Variants in DKK2 observed in about 807,000 individuals in gnomAD.
The protein encoded by DKK2 is dickkopf-related protein 2.
Under a neutral mutation model 28.1 loss-of-function variants are expected in DKK2, and 11 were observed. The observed-to-expected ratio is 0.39, with a 90% confidence interval of 0.25 to 0.65. The LOEUF (loss-of-function observed/expected upper bound fraction) is 0.65. Among genes scored for constraint, DKK2 ranks in the 30% least tolerant of loss-of-function variants. DKK2 has a pLI of 0.47. For synonymous variants in DKK2, 135 were observed against 126.5 expected (o/e 1.07, Z -0.45); for missense variants, 326 against 335.5 (o/e 0.97, Z 0.22).
chr4:106,941,598 G>T (rs1034820892), intron 1 of DKK2, among the ~76,000 whole-genome samples: 1 of 152,150 alleles, frequency 6.6e-6, no homozygotes, highest in South Asian at 2.1e-4. Context: ...TTTATGCAGT[G>T]AAGCACCCCA....
At position 107,010,118 on chromosome 4, in the gene DKK2, G is replaced by C. The variant is rs115911551; in HGVS notation, c.222+25252C>G. Among the ~76,000 whole-genome samples, 734 of 151,666 alleles carry C rather than the reference G, an allele frequency of 4.8e-3. 6 individuals are homozygous for C. Among genetic ancestry groups the C allele is most frequent in the African/African-American group, 0.017 (707 of 41,456 alleles). On this transcript the variant is annotated intron_variant, in intron 1 of 3. Coordinates refer to ENST00000285311, the MANE Select transcript of DKK2 (RefSeq NM_014421.3). The stretch of plus-strand genomic sequence containing the variant: ...TTCCTTTCACGTAAATGAGTGATTT[G>C]ATTTGCCTATCAGTAGGCTGCCCTC...
intron 1 of DKK2, among the ~76,000 whole-genome samples, chr4:106,973,577 G>A (rs1287103411): frequency 1.3e-5 from 2 of 152,038 alleles, no homozygotes; most frequent in East Asian, 1.9e-4. Context: ...CTTTTTGATG[G>A]GGTTTTTGTT....
intron 1 of DKK2, among the ~76,000 whole-genome samples, chr4:106,926,756 C>T (rs1724431217): frequency 1.3e-5 from 2 of 152,084 alleles, no homozygotes; most frequent in South Asian, 4.1e-4. Context: ...GCTACTTCAG[C>T]AGTGTCATAT....
At chr4:106,954,552 C>A (rs907460306) in intron 1 of DKK2, among the ~76,000 whole-genome samples, 2 of 152,068 alleles carry the variant, frequency 1.3e-5, no homozygotes, top group Admixed American at 1.3e-4. Flanking sequence ...GACGGAGTCT[C>A]ACTCTGTCAC....
intron 1 of DKK2, among the ~76,000 whole-genome samples, chr4:106,982,296 G>C (rs1723038096): frequency 6.6e-6 from 1 of 152,124 alleles, no homozygotes; most frequent in Non-Finnish European, 1.5e-5. Context: ...GAGATAAGGA[G>C]AGAAAAGAGA....
chr4:106,984,620 T>C (rs1473591531), intron 1 of DKK2, among the ~76,000 whole-genome samples: 1 of 152,254 alleles, frequency 6.6e-6, no homozygotes, highest in Admixed American at 6.5e-5. Context: ...TGTATGTATA[T>C]ACCACATTTT....
At chr4:107,000,599 A>G (rs1423158044) in intron 1 of DKK2, among the ~76,000 whole-genome samples, 4 of 152,152 alleles carry the variant, frequency 2.6e-5, no homozygotes, top group Non-Finnish European at 5.9e-5. Flanking sequence ...CTGTTTTCCT[A>G]TTCTATATGC....
In DKK2 at chr4:106,923,824, A is replaced by T; in HGVS notation, c.*130T>A. The T allele has an allele frequency of 3.2e-6, 4 of 1,256,284 alleles. No homozygotes were observed. The highest frequency in any genetic ancestry group is 4.8e-5 in the Admixed American group (2 of 41,672). 77.8% of individuals were successfully genotyped at this position (1,256,284 alleles called of 1,614,324 possible). A position where few individuals can be genotyped will look rare whatever the true frequency, so the allele number is the denominator to read the frequency against. ...CATGTTTTCTTTCTCCCTTTTTGTGATCATCTATATTCTTATCACGTTTCT... is the reference window on the plus strand; with the variant it reads ...CATGTTTTCTTTCTCCCTTTTTGTGTTCATCTATATTCTTATCACGTTTCT... On this transcript the variant is annotated 3_prime_UTR_variant, in exon 4 of 4. Transcript: ENST00000285311.
At chr4:106,976,111 G>A (rs1045424295) in intron 1 of DKK2, among the ~76,000 whole-genome samples, 7 of 152,104 alleles carry the variant, frequency 4.6e-5, no homozygotes, top group Non-Finnish European at 7.4e-5. Flanking sequence ...GAGCCTGTTC[G>A]TTATGATTTC....
At position 106,967,884 on chromosome 4, in the gene DKK2, AGAAG is replaced by A. The variant is rs1460734546; in HGVS notation, c.223-41939_223-41936del. ...GAAGAAGGAGGGAAGCAAAAGGAGA[AGAAG>A]GAAGGGAGGGAGAGGCAGGTTAAGG... On this transcript the variant is annotated intron_variant, in intron 1 of 3. Transcript: ENST00000285311. Among the ~76,000 whole-genome samples, 3 of 151,156 alleles carry A rather than the reference AGAAG, an allele frequency of 2.0e-5. No individual in the cohort carries two copies. The East Asian group carries it at 5.9e-4, about 30-fold the overall frequency.
At chr4:106,980,217 A>ATTTCAACTTAGAC (rs1467259160) in intron 1 of DKK2, among the ~76,000 whole-genome samples, 1 of 152,140 alleles carries the variant, frequency 6.6e-6, no homozygotes, top group African/African-American at 2.4e-5. Flanking sequence ...AGTATTATTG[A>ATTTCAACTTAGAC]TTTCAACTTA....
chr4:107,035,679 C>T lies in DKK2; in HGVS notation c.-88G>A, dbSNP rs1723954576. ...GAGGACCCCAACACGGGGCCCCTCA[C>T]TTGGGTCGCGGGGGCTTGCAGATTG... On this transcript the variant is annotated 5_prime_UTR_variant, in exon 1 of 4. It adds an upstream start codon to the 5' untranslated region. Transcript: ENST00000285311. 2 of 1,432,236 alleles carry T rather than the reference C, an allele frequency of 1.4e-6. No individual in the cohort carries two copies. The highest frequency in any genetic ancestry group is 1.9e-6 in the Non-Finnish European group (2 of 1,039,732). 88.7% of individuals were successfully genotyped at this position (1,432,236 alleles called of 1,614,324 possible).
chr4:106,993,569 A>AAT lies in DKK2; in HGVS notation c.222+41799_222+41800dup, dbSNP rs1339251545. On this transcript the variant is annotated intron_variant, in intron 1 of 3. Coordinates refer to ENST00000285311, the MANE Select transcript of DKK2 (RefSeq NM_014421.3). Reference sequence around the variant, plus strand: ...CCAAGCTATTAGGGATTAAAGGGGGAATATATATATAAGCTCTTAGTGATC... The same window carrying AAT: ...CCAAGCTATTAGGGATTAAAGGGGGAATATATATATATAAGCTCTTAGTGATC... Among the ~76,000 whole-genome samples, 4 of 152,018 alleles carry AAT rather than the reference A, an allele frequency of 2.6e-5. No individual in the cohort carries two copies. In the East Asian group the frequency reaches 5.8e-4, roughly 22 times the overall value.
intron 1 of DKK2, among the ~76,000 whole-genome samples, chr4:107,034,056 G>A (rs1172728834): frequency 6.6e-6 from 1 of 152,154 alleles, no homozygotes; most frequent in Non-Finnish European, 1.5e-5. Flanking sequence ...ACACTTCAAA[G>A]CTCTGGGAAG....
intron 1 of DKK2, among the ~76,000 whole-genome samples, chr4:106,978,297 G>A (rs1238813208): frequency 6.6e-6 from 1 of 152,172 alleles, no homozygotes; most frequent in Non-Finnish European, 1.5e-5. Context: ...TCTCTTCAGA[G>A]CCAGAATGCA....
intron 1 of DKK2, among the ~76,000 whole-genome samples, chr4:106,934,005 TATATATAC>T (rs1724540118): frequency 6.6e-6 from 1 of 151,220 alleles, no homozygotes; most frequent in Non-Finnish European, 1.5e-5. Flanking sequence ...TATATGTATG[TATATATAC>T]ATATATACAC....
chr4:107,018,546 C>G (rs535765470), intron 1 of DKK2, among the ~76,000 whole-genome samples: 1 of 152,150 alleles, frequency 6.6e-6, no homozygotes, highest in East Asian at 1.9e-4. Flanking sequence ...CTCAGAAATT[C>G]TCCTTTAGTC....
chr4:106,965,017 T>C (rs1034197940), intron 1 of DKK2, among the ~76,000 whole-genome samples: 1 of 147,866 alleles, frequency 6.8e-6, no homozygotes, highest in African/African-American at 2.5e-5. Context: ...TGATTGATTC[T>C]GATTCTCTGG....
chr4:107,006,148 T>A (rs1175753674), intron 1 of DKK2, among the ~76,000 whole-genome samples: 3 of 152,152 alleles, frequency 2.0e-5, no homozygotes, highest in Admixed American at 1.3e-4. Context: ...ATGTAGCAAA[T>A]GAGCTAGAAG....
Sources: gnomAD v4.1 joint callset for allele counts (sites outside exome capture counted in the v4.1 genomes callset) on GRCh38, gnomAD v4.1.1 for gene constraint, MANE v1.5 for transcripts, NCBI Gene and HGNC (gene_info 2026-07-23, HGNC 2026-07-21) for gene names.